Variants in RB1CC1 observed in about 807,000 individuals in gnomAD.
RB1CC1 encodes RB1-inducible coiled-coil protein 1.
In RB1CC1, 46 loss-of-function variants were observed where a neutral mutation model predicts 177.5. That is an observed-to-expected ratio of 0.26 (90% CI 0.20 to 0.33). The LOEUF is 0.33. Among genes scored for constraint, RB1CC1 ranks in the 10% least tolerant of loss-of-function variants. RB1CC1 has a pLI of 1.00. For synonymous variants in RB1CC1, 666 were observed against 613.6 expected (o/e 1.09, Z -1.26); for missense variants, 1,703 against 1,816.3 (o/e 0.94, Z 1.13).
At chr8:52,677,751 T>A (rs1853274193) in intron 5 of RB1CC1, among the ~76,000 whole-genome samples, 1 of 152,162 alleles carries the variant, frequency 6.6e-6, no homozygotes, top group African/African-American at 2.4e-5. Flanking sequence ...CCATGTCAAT[T>A]AATGTCAATT....
chr8:52,702,935 A>C (rs530438859), intron 1 of RB1CC1, among the ~76,000 whole-genome samples: 69 of 152,156 alleles, frequency 4.5e-4, no homozygotes, highest in Non-Finnish European at 8.8e-4. Flanking sequence ...AAGCACTCAA[A>C]AGCATCTGTT....
Position 52,674,353 on chromosome 8 carries a change from A to G in RB1CC1, c.573-79T>C, listed in dbSNP as rs1052357169. 1.6e-5 allele frequency: 20 copies of G among 1,226,570 alleles called. No individual in the cohort carries two copies. The African/African-American group carries it at 2.7e-4, about 17-fold the overall frequency. The allele number at this position is 1,226,570 out of a possible 1,614,324, so 76.0% of individuals were successfully genotyped here. On this transcript the variant is annotated intron_variant, in intron 6 of 23. Transcript: ENST00000025008. Reference sequence around the variant, plus strand: ...TTAGCATGTTTGAATGAAATCACATATTATTATACACACAAATCTCACCAC... The same window carrying G: ...TTAGCATGTTTGAATGAAATCACATGTTATTATACACACAAATCTCACCAC...
chr8:52,656,918 C>T lies in RB1CC1; in HGVS notation c.2911G>A (p.Glu971Lys). The T allele has an allele frequency of 6.2e-7, 1 of 1,613,210 alleles. No individual in the cohort carries two copies. The highest frequency in any genetic ancestry group is 8.5e-7 in the Non-Finnish European group (1 of 1,179,930). Residue 971 changes from glutamate to lysine, a missense_variant, in exon 15 of 24, where the codon GAG (glutamate) becomes AAG (lysine). Glu to Lys is a moderately conservative substitution (Grantham distance 56). Transcript: ENST00000025008. ...TCTGCCCTCAATAACTGTAACTTCT[C>T]ATCATTTTCAACATGGAGCTTTTTT... ...DLKKLHVEND[E>K]KLQLLRAELQ...
At chr8:52,632,625 A>C (rs1253523077) in intron 20 of RB1CC1, among the ~76,000 whole-genome samples, 2 of 152,178 alleles carry the variant, frequency 1.3e-5, no homozygotes, top group African/African-American at 4.8e-5. Flanking sequence ...TTACATTTGG[A>C]CACCTTTCTG....
At chr8:52,704,449 T>A (rs1479726074) in intron 1 of RB1CC1, among the ~76,000 whole-genome samples, 6 of 113,196 alleles carry the variant, frequency 5.3e-5, no homozygotes, top group African/African-American at 9.9e-5. Flanking sequence ...CACACAAAGG[T>A]GACATTAAAA....
intron 3 of RB1CC1, among the ~76,000 whole-genome samples, chr8:52,684,875 T>G (rs1448575334): frequency 6.6e-6 from 1 of 152,204 alleles, no homozygotes; most frequent in Non-Finnish European, 1.5e-5. Flanking sequence ...ACTGTTTACA[T>G]GAATATTATA....
chr8:52,630,081 A>G lies in RB1CC1; in HGVS notation c.4499+389T>C, dbSNP rs143964543. On this transcript the variant is annotated intron_variant, in intron 21 of 23. Coordinates refer to ENST00000025008, the MANE Select transcript of RB1CC1 (RefSeq NM_014781.5). ...TTTGTTTATTATGAATTTGTAGAATATTAATAAAATGAAATCTAAAAACTA... is the reference window on the plus strand; with the variant it reads ...TTTGTTTATTATGAATTTGTAGAATGTTAATAAAATGAAATCTAAAAACTA... 1.2e-3 allele frequency among the ~76,000 whole-genome samples: 184 copies of G among 152,340 alleles called. 1 individual carries two copies. Among genetic ancestry groups the G allele is most frequent in the African/African-American group, 4.2e-3 (176 of 41,586 alleles).
At chr8:52,705,836 CA>C (rs1041687763) in intron 1 of RB1CC1, among the ~76,000 whole-genome samples, 1 of 151,588 alleles carries the variant, frequency 6.6e-6, no homozygotes, top group African/African-American at 2.4e-5. Context: ...ATCCTCTCTC[CA>C]AAAAAATAAT....
intron 7 of RB1CC1, among the ~76,000 whole-genome samples, chr8:52,670,833 CAA>C (rs1852503298): frequency 1.3e-5 from 2 of 151,612 alleles, no homozygotes; most frequent in Admixed American, 1.3e-4. Context: ...TTAAAAAAAA[CAA>C]AAATTTGCCA....
intron 1 of RB1CC1, among the ~76,000 whole-genome samples, chr8:52,699,858 T>TATATATATATATATATACAC (rs756226534): frequency 3.9e-5 from 4 of 102,792 alleles, no homozygotes; most frequent in East Asian, 7.7e-4. Flanking sequence ...TATATATATA[T>TATATATATATATATATACAC]ACACACAAAA....
At chr8:52,695,158 C>T (rs939540149) in intron 1 of RB1CC1, among the ~76,000 whole-genome samples, 13 of 152,082 alleles carry the variant, frequency 8.5e-5, no homozygotes, top group African/African-American at 2.9e-4. Flanking sequence ...GCAAGATTTT[C>T]GACCTAAGAT....
chr8:52,689,783 T>G (rs1854646115), intron 1 of RB1CC1, among the ~76,000 whole-genome samples: 1 of 152,108 alleles, frequency 6.6e-6, no homozygotes, highest in Non-Finnish European at 1.5e-5. Flanking sequence ...TTGCCCTGCC[T>G]GCTATGATCA....
rs145033345 is a variant in RB1CC1 at position 52,671,285 on chromosome 8, C to T, written c.1002+2560G>A. Among the ~76,000 whole-genome samples the T allele has an allele frequency of 7.9e-5, 12 of 152,176 alleles. No individual in the cohort carries two copies. In the East Asian group the frequency reaches 2.1e-3, roughly 27 times the overall value. ...ATTTGCCAGTTGAAAGTACATGTTA[C>T]AAAATACTGTTACAATTGGAATTAA... On this transcript the variant is annotated intron_variant, in intron 7 of 23. Coordinates refer to ENST00000025008, the MANE Select transcript of RB1CC1 (RefSeq NM_014781.5).
At position 52,685,531 on chromosome 8, in the gene RB1CC1, CAA is replaced by C; in HGVS notation, c.-51-13_-51-12del. The C allele has an allele frequency of 1.9e-6, 2 of 1,026,898 alleles. No homozygotes were observed. The highest frequency in any genetic ancestry group is 2.4e-5 in the East Asian group (1 of 41,090). The allele number at this position is 1,026,898 out of a possible 1,614,324, so 63.6% of individuals were successfully genotyped here. Reference sequence around the variant, plus strand: ...CCTCTGATACAGTTACTAGAAGAAACAAGAGAAGTGATCAATTTTACAAATGC... The same window carrying C: ...CCTCTGATACAGTTACTAGAAGAAACGAGAAGTGATCAATTTTACAAATGC... On this transcript the variant is annotated splice_polypyrimidine_tract_variant and intron_variant, in intron 2 of 23. Coordinates refer to ENST00000025008, the MANE Select transcript of RB1CC1 (RefSeq NM_014781.5).
At chr8:52,661,032 A>G in intron 10 of RB1CC1, 25 bp from the exon 11 acceptor site, 1 of 1,611,164 alleles carries the variant, frequency 6.2e-7, no homozygotes, top group East Asian at 2.2e-5. Flanking sequence ...CTTATGTTAA[A>G]CATAAACATA....
intron 22 of RB1CC1, among the ~76,000 whole-genome samples, chr8:52,626,568 G>C (rs1046352279): frequency 1.3e-5 from 2 of 152,042 alleles, no homozygotes; most frequent in African/African-American, 4.8e-5. Flanking sequence ...GGTTTTCTTT[G>C]TACTATATTA....
chr8:52,658,794 T>C (rs1590998647), intron 13 of RB1CC1, 79 bp downstream of exon 13: 1 of 938,652 alleles, frequency 1.1e-6, no homozygotes, highest in Non-Finnish European at 1.5e-6. Context: ...TTAAGATTAC[T>C]GGTACTACCT....
intron 18 of RB1CC1, 42 bp from the exon 19 acceptor site, chr8:52,636,111 C>A: frequency 6.4e-7 from 1 of 1,564,966 alleles, no homozygotes. Context: ...AAATTCTAAA[C>A]TTTACATTCT....
intron 15 of RB1CC1, 115 bp from the exon 16 acceptor site, chr8:52,645,982 T>C: frequency 9.9e-7 from 1 of 1,013,340 alleles, no homozygotes; most frequent in Non-Finnish European, 1.5e-6. Context: ...GCATGAAAGA[T>C]ATCTGTGTGA....
Sources: gnomAD v4.1 joint callset for allele counts (sites outside exome capture counted in the v4.1 genomes callset) on GRCh38, gnomAD v4.1.1 for gene constraint, MANE v1.5 for transcripts, NCBI Gene and HGNC (gene_info 2026-07-23, HGNC 2026-07-21) for gene names.